SLC66A2: variants seen among roughly 807,000 people sequenced by gnomAD.
SLC66A2 encodes the protein solute carrier family 66 member 2, also known as PQ loop repeat containing 1.
In SLC66A2, 23 loss-of-function variants were observed where a neutral mutation model predicts 25.5. The observed-to-expected ratio is 0.90, with a 90% CI of 0.65 to 1.28. The LOEUF is 1.28. Ranked by LOEUF, SLC66A2 falls within the 50% of genes most tolerant of loss-of-function variation. The pLI is 0.00. For missense variants in SLC66A2, 396 were observed against 373.1 expected (o/e 1.06, Z -0.51); for synonymous variants, 193 against 166.5 (o/e 1.16, Z -1.23).
At position 79,948,797 on chromosome 18, in the gene SLC66A2, C is replaced by T. The variant is rs933582486; in HGVS notation, c.203+1927G>A. On this transcript the variant is annotated intron_variant, in intron 2 of 5. Transcript: ENST00000397778. ...TATAACCCTGAAGACGAGTGCAGCGCTCCTTCACAACACACACGTGAGCTG... is the reference window on the plus strand; with the variant it reads ...TATAACCCTGAAGACGAGTGCAGCGTTCCTTCACAACACACACGTGAGCTG... 1.8e-3 allele frequency among the ~76,000 whole-genome samples: 277 copies of T among 152,302 alleles called. 3 individuals carry two copies. The highest frequency in any genetic ancestry group is 9.6e-4 in the Non-Finnish European group (65 of 68,036).
At chr18:79,907,334 GTT>G (rs57635823) in intron 5 of SLC66A2, among the ~76,000 whole-genome samples, 1 of 116,896 alleles carries the variant, frequency 8.6e-6, no homozygotes, top group African/African-American at 3.3e-5. Context: ...TCTTTGTATA[GTT>G]TTTTTTTTTT....
intron 2 of SLC66A2, among the ~76,000 whole-genome samples, chr18:79,946,178 G>A (rs2050919880): frequency 6.6e-6 from 1 of 152,172 alleles, no homozygotes; most frequent in Non-Finnish European, 1.5e-5. Flanking sequence ...AAAGAATGAG[G>A]CCTTTTAAAA....
At chr18:79,935,385 T>G (rs541492035) in intron 3 of SLC66A2, 2 of 152,448 alleles carry the variant, frequency 1.3e-5, no homozygotes, top group Admixed American at 1.3e-4. Context: ...AATGCAGAGT[T>G]CTGATGCTGA....
rs377250485 is a variant in SLC66A2 at position 79,917,274 on chromosome 18, A to G, written c.608+1910T>C. 3.4e-3 allele frequency among the ~76,000 whole-genome samples: 517 copies of G among 152,310 alleles called. 4 individuals are homozygous for G. Among genetic ancestry groups the G allele is most frequent in the African/African-American group, 0.012 (489 of 41,558 alleles). On this transcript the variant is annotated intron_variant, in intron 5 of 5. Transcript: ENST00000397778. This position sits in a 1 kb window ranked among gnomAD's most constrained non-coding sequence, Gnocchi z 6.0. ...CAGCCCCTGGGCTGAGACCTTGAAC[A>G]ACATGCCTGCGCTGAACAGCAAAAC...
chr18:79,905,422 T>A (rs1240587128), intron 5 of SLC66A2, among the ~76,000 whole-genome samples: 3 of 150,744 alleles, frequency 2.0e-5, no homozygotes, highest in Non-Finnish European at 4.4e-5. Context: ...CCCCTCGGCC[T>A]CTCACACACC....
At chr18:79,939,017 A>G (rs1301880037) in intron 3 of SLC66A2, among the ~76,000 whole-genome samples, 1 of 152,158 alleles carries the variant, frequency 6.6e-6, no homozygotes, top group East Asian at 1.9e-4. Context: ...CCAAATGTCT[A>G]CCATGAGCAT....
In SLC66A2 at chr18:79,902,832, AACGG is replaced by A. The variant is rs1431529037; in HGVS notation, c.*1140_*1143del. 3.3e-5 allele frequency: 5 copies of A among 152,708 alleles called. No individual in the cohort carries two copies. The East Asian group carries it at 9.6e-4, about 29-fold the overall frequency. 9.5% of individuals were successfully genotyped at this position (152,708 alleles called of 1,614,324 possible). ...CTGCTGACATGGTGTGACCTCTTGC[AACGG>A]GGTGGGGGCAGAGCGTGCGGTGACA... On this transcript the variant is annotated 3_prime_UTR_variant, in exon 6 of 6. Coordinates refer to ENST00000397778, the MANE Select transcript of SLC66A2 (RefSeq NM_025078.5).
rs1299264451 is a variant in SLC66A2, at chr18:79,937,712, C to T, written c.338-3690G>A. ...GAAACACAAGAACCAAACCTGGATC[C>T]GATAGGGCCTCAGGGTCCGCTATCT... On this transcript the variant is annotated intron_variant, in intron 3 of 5. Coordinates refer to ENST00000397778, the MANE Select transcript of SLC66A2 (RefSeq NM_025078.5). The surrounding 1 kb of genome is among the most constrained non-coding windows in gnomAD (Gnocchi z 5.4). Among the ~76,000 whole-genome samples the T allele has an allele frequency of 1.3e-5, 2 of 152,108 alleles. No homozygotes were observed. The highest frequency in any genetic ancestry group is 2.1e-4 in the South Asian group (1 of 4,822).
intron 5 of SLC66A2, among the ~76,000 whole-genome samples, chr18:79,916,167 A>G (rs12966603): frequency 2.5e-3 from 81 of 32,918 alleles, no homozygotes; most frequent in East Asian, 0.01. Flanking sequence ...TCGTACCCGC[A>G]GTGCTCCCGT....
In SLC66A2 at chr18:79,939,881, G is replaced by C. The variant is rs1260390447; in HGVS notation, c.337+3448C>G. Among the ~76,000 whole-genome samples the C allele has an allele frequency of 3.9e-5, 6 of 152,080 alleles. No individual in the cohort carries two copies. In the South Asian group the frequency reaches 8.3e-4, roughly 21 times the overall value. On this transcript the variant is annotated intron_variant, in intron 3 of 5. Coordinates refer to ENST00000397778, the MANE Select transcript of SLC66A2 (RefSeq NM_025078.5). The stretch of plus-strand genomic sequence containing the variant: ...TCCCGGTACTGGGTATAAACGCCAG[G>C]AATATAAATCGCTCTACTATAGACA...
chr18:79,950,744 G>A lies in SLC66A2; in HGVS notation c.183C>T (p.Asn61=), dbSNP rs1181773789. The A allele has an allele frequency of 1.2e-6, 2 of 1,613,112 alleles. No homozygotes were observed. Among genetic ancestry groups the A allele is most frequent in the African/African-American group, 2.7e-5 (2 of 74,948 alleles). Residue 61 remains asparagine (N), a synonymous_variant, in exon 2 of 6, where the codon AAC becomes AAT. Transcript: ENST00000397778. Reference sequence around the variant, plus strand: ...CTTACCAGAAGAGTATCCGCAAAATGTTGGCCACCAGCAGCACCAGGCACA... The same window carrying A: ...CTTACCAGAAGAGTATCCGCAAAATATTGGCCACCAGCAGCACCAGGCACA... ...TYVCLVLLVA[N]ILRILFWFGR...
intron 5 of SLC66A2, among the ~76,000 whole-genome samples, chr18:79,907,319 G>GT (rs1228427249): frequency 8.5e-6 from 1 of 117,008 alleles, no homozygotes; most frequent in Non-Finnish European, 1.8e-5. Flanking sequence ...GTTTTTCACT[G>GT]TATCTCTTTG....
At chr18:79,905,984 A>G (rs541777118) in intron 5 of SLC66A2, among the ~76,000 whole-genome samples, 8 of 152,344 alleles carry the variant, frequency 5.3e-5, no homozygotes, top group African/African-American at 1.7e-4. Context: ...TATCTACTTA[A>G]GAGATACTCA....
At position 79,904,289 on chromosome 18, in the gene SLC66A2, G is replaced by A; in HGVS notation, c.609-106C>T. On this transcript the variant is annotated intron_variant, in intron 5 of 5. Coordinates refer to ENST00000397778, the MANE Select transcript of SLC66A2 (RefSeq NM_025078.5). The surrounding 1 kb of genome is among the most constrained non-coding windows in gnomAD (Gnocchi z 6.3). ...CAGCGGGGAGACCTGGGGCTCAGGGGCACCCAGGGGGCTAAGGGGACCCCC... is the reference window on the plus strand; with the variant it reads ...CAGCGGGGAGACCTGGGGCTCAGGGACACCCAGGGGGCTAAGGGGACCCCC... The A allele has an allele frequency of 2.9e-6, 3 of 1,027,762 alleles. No homozygotes were observed. The highest frequency in any genetic ancestry group is 2.7e-5 in the South Asian group (2 of 73,708). 63.7% of individuals were successfully genotyped at this position (1,027,762 alleles called of 1,614,324 possible).
chr18:79,937,633 C>T lies in SLC66A2; in HGVS notation c.338-3611G>A, dbSNP rs1185445424. ...TGAGCTGACGGCCTCAGCATGAGCC[C>T]CACAGTGGCCGCTGACCACACGCAC... is the stretch of plus-strand genomic sequence containing the variant. On this transcript the variant is annotated intron_variant, in intron 3 of 5. Coordinates refer to ENST00000397778, the MANE Select transcript of SLC66A2 (RefSeq NM_025078.5). The surrounding 1 kb of genome is among the most constrained non-coding windows in gnomAD (Gnocchi z 5.4). 2.6e-5 allele frequency among the ~76,000 whole-genome samples: 4 copies of T among 152,152 alleles called. No individual in the cohort carries two copies. Among genetic ancestry groups the T allele is most frequent in the Non-Finnish European group, 4.4e-5 (3 of 68,024 alleles).
intron 4 of SLC66A2, among the ~76,000 whole-genome samples, chr18:79,932,477 A>AAGAT: frequency 6.6e-6 from 1 of 151,830 alleles, no homozygotes; most frequent in South Asian, 2.1e-4. Context: ...GTGTTAAAAA[A>AAGAT]AGAAAGAAAG....
chr18:79,948,314 T>C (rs1568342950), intron 2 of SLC66A2, among the ~76,000 whole-genome samples: 1 of 152,226 alleles, frequency 6.6e-6, no homozygotes, highest in Non-Finnish European at 1.5e-5. Flanking sequence ...GGTTAATCTC[T>C]GACTTCTCCA....
chr18:79,950,740 A>G lies in SLC66A2; in HGVS notation c.187T>C (p.Leu63=), dbSNP rs1296027068. Residue 63 remains leucine, a synonymous_variant, in exon 2 of 6, where the codon TTG becomes CTG. Coordinates refer to ENST00000397778, the MANE Select transcript of SLC66A2 (RefSeq NM_025078.5). ...CCAACTTACCAGAAGAGTATCCGCA[A>G]AATGTTGGCCACCAGCAGCACCAGG... is the stretch of plus-strand genomic sequence containing the variant. ...VCLVLLVANI[L]RILFWFGRRF... is the part of the protein sequence containing the mutation. 1 of 1,613,068 alleles carries G rather than the reference A, an allele frequency of 6.2e-7. No homozygotes were observed. Among genetic ancestry groups the G allele is most frequent in the African/African-American group, 1.3e-5 (1 of 74,936 alleles).
In SLC66A2 at chr18:79,903,878, C is replaced by G; in HGVS notation, c.*98G>C. ...CCCAATGCCCATGCCCCATCTCTGC[C>G]ACACCTGCAGGGGCCACAGCACCCA... On this transcript the variant is annotated 3_prime_UTR_variant, in exon 6 of 6. Transcript: ENST00000397778. 8.7e-7 allele frequency: 1 copy of G among 1,143,666 alleles called. No homozygotes were observed. Among genetic ancestry groups the G allele is most frequent in the Non-Finnish European group, 1.2e-6 (1 of 815,616 alleles). 70.8% of individuals were successfully genotyped at this position (1,143,666 alleles called of 1,614,324 possible). A position where few individuals can be genotyped will look rare whatever the true frequency, so the allele number is the denominator to read the frequency against.
Sources: gnomAD v4.1 joint callset for allele counts (sites outside exome capture counted in the v4.1 genomes callset) on GRCh38, gnomAD v4.1.1 for gene constraint, Gnocchi (gnomAD v3.1) non-coding constraint, MANE v1.5 for transcripts, NCBI Gene and HGNC (gene_info 2026-07-23, HGNC 2026-07-21) for gene names.